CENPW: variants seen among roughly 807,000 people sequenced by gnomAD.
The protein encoded by CENPW is centromere protein W, also known as cancer-up-regulated gene 2 protein.
In CENPW, 3 loss-of-function variants were observed where a neutral mutation model predicts 11.1. That is an observed-to-expected ratio of 0.27 (90% CI 0.12 to 0.70). The LOEUF (loss-of-function observed/expected upper bound fraction) is 0.70, where lower values mean the gene tolerates loss of function less well. CENPW is among the 30% of genes least tolerant of loss of function. The pLI is 0.77. For synonymous variants in CENPW, 38 were observed against 42.0 expected, an observed-to-expected ratio of 0.91 and a Z score of 0.37; for missense variants, 100 against 105.6, an observed-to-expected ratio of 0.95 and a Z score of 0.23.
At chr6:126,471,729 T>C in the CENPW span, among the ~76,000 whole-genome samples, 3 of 152,192 alleles carry the variant, frequency 2.0e-5, no homozygotes, top group Non-Finnish European at 2.9e-5. Context: ...GTGATTTATT[T>C]ATATATTGTT....
the CENPW span, among the ~76,000 whole-genome samples, chr6:126,448,918 TATTCAAACTGAATATTC>T: frequency 5.3e-5 from 8 of 151,288 alleles, no homozygotes; most frequent in African/African-American, 1.7e-4. Context: ...TCAAACTAAA[TATTCAAACTGAATATTC>T]ATTCAAACTA....
At chr6:126,451,753 C>G in the CENPW span, among the ~76,000 whole-genome samples, 2 of 151,044 alleles carry the variant, frequency 1.3e-5, no homozygotes, top group Admixed American at 1.3e-4. Context: ...GGTTCAGTCA[C>G]ACAAGTGTGT....
chr6:126,400,609 A>C, the CENPW span, among the ~76,000 whole-genome samples: 1 of 152,044 alleles, frequency 6.6e-6, no homozygotes, highest in Admixed American at 6.6e-5. Context: ...ATCAGACATT[A>C]TCTCTTCAAA....
At chr6:126,465,205 A>C in the CENPW span, among the ~76,000 whole-genome samples, 4 of 152,134 alleles carry the variant, frequency 2.6e-5, no homozygotes, top group African/African-American at 9.7e-5. Context: ...CCTACAAACT[A>C]TCAAAATTAT....
At chr6:126,395,185 T>G in the CENPW span, among the ~76,000 whole-genome samples, 2 of 152,242 alleles carry the variant, frequency 1.3e-5, no homozygotes, top group East Asian at 3.9e-4. Flanking sequence ...TTGAGGCTAT[T>G]TTCTAGATTC....
the CENPW span, among the ~76,000 whole-genome samples, chr6:126,376,208 G>A: frequency 6.6e-6 from 1 of 152,116 alleles, no homozygotes; most frequent in African/African-American, 2.4e-5. Context: ...TAAAAATTTG[G>A]TGCAGTAAAG....
At chr6:126,408,747 G>T in the CENPW span, among the ~76,000 whole-genome samples, 2 of 151,850 alleles carry the variant, frequency 1.3e-5, no homozygotes, top group African/African-American at 2.4e-5. Flanking sequence ...ATTTCCTATA[G>T]ATTTTCCATT....
chr6:126,372,793 A>G, the CENPW span, among the ~76,000 whole-genome samples: 1 of 152,212 alleles, frequency 6.6e-6, no homozygotes, highest in Admixed American at 6.5e-5. Flanking sequence ...AAAAAACAGC[A>G]ATAAACTTGC....
downstream of CENPW, among the ~76,000 whole-genome samples, chr6:126,349,292 T>C (rs1367647489): frequency 1.3e-5 from 2 of 152,124 alleles, no homozygotes; most frequent in African/African-American, 4.8e-5. Context: ...TAGTATAATA[T>C]CAAAACCAGG....
the CENPW span, among the ~76,000 whole-genome samples, chr6:126,376,464 A>C: frequency 2.4e-4 from 36 of 152,230 alleles, no homozygotes; most frequent in Non-Finnish European, 4.1e-4. Flanking sequence ...TTGTATTACA[A>C]CATTAGTAAC....
At chr6:126,441,293 C>A in the CENPW span, among the ~76,000 whole-genome samples, 2 of 151,364 alleles carry the variant, frequency 1.3e-5, no homozygotes, top group Admixed American at 1.3e-4. Context: ...ACTAGAATAG[C>A]CTATAGAAAT....
chr6:126,384,904 T>C, the CENPW span, among the ~76,000 whole-genome samples: 1 of 152,096 alleles, frequency 6.6e-6, no homozygotes, highest in Admixed American at 6.6e-5. Context: ...TATAAGGAAC[T>C]TAAATTTACA....
the CENPW span, among the ~76,000 whole-genome samples, chr6:126,463,193 G>T: frequency 6.6e-6 from 1 of 151,906 alleles, no homozygotes. Flanking sequence ...TTCTATGTGG[G>T]AGTGCACACA....
chr6:126,456,314 C>G, the CENPW span, among the ~76,000 whole-genome samples: 1 of 151,512 alleles, frequency 6.6e-6, no homozygotes, highest in Admixed American at 6.6e-5. Context: ...TACTGCAAGG[C>G]TACAGTAACC....
the CENPW span, among the ~76,000 whole-genome samples, chr6:126,456,699 A>G: frequency 1.3e-5 from 2 of 151,758 alleles, no homozygotes; most frequent in Non-Finnish European, 2.9e-5. Context: ...AAAAATTGAC[A>G]AATAGGACCA....
At chr6:126,363,494 C>T in the CENPW span, among the ~76,000 whole-genome samples, 27 of 152,274 alleles carry the variant, frequency 1.8e-4, no homozygotes, top group African/African-American at 6.5e-4. Context: ...CTATATAGCA[C>T]CTCTTTAGGC....
chr6:126,408,966 T>G, the CENPW span, among the ~76,000 whole-genome samples: 1 of 152,022 alleles, frequency 6.6e-6, no homozygotes, highest in Non-Finnish European at 1.5e-5. Context: ...GTTCTTATTT[T>G]TAATATTTAT....
rs764306077 is a variant in CENPW, at chr6:126,340,365, C to T, written c.92C>T (p.Pro31Leu). The T allele has an allele frequency of 1.2e-6, 2 of 1,614,166 alleles. No homozygotes were observed. Among genetic ancestry groups the T allele is most frequent in the Non-Finnish European group, 8.5e-7 (1 of 1,180,014 alleles). The change falls in exon 1 of 3, where the codon CCT becomes CTT. Residue 31 changes from proline (P) to leucine (L), a missense_variant. Physicochemically the swap from Pro to Leu is moderately conservative, Grantham distance 98. Coordinates refer to ENST00000368328, the MANE Select transcript of CENPW (RefSeq NM_001012507.4). Reference sequence around the variant, plus strand: ...AAGCGAGTCTTCAAGCGAAAGAAGCCTCAACTTCGTCTGGAGAAAAGTGGT... The same window carrying T: ...AAGCGAGTCTTCAAGCGAAAGAAGCTTCAACTTCGTCTGGAGAAAAGTGGT... ...FLKRVFKRKK[P>L]QLRLEKSGDL...
the CENPW span, among the ~76,000 whole-genome samples, chr6:126,444,705 T>C: frequency 6.6e-6 from 1 of 151,326 alleles, no homozygotes; most frequent in African/African-American, 2.4e-5. Flanking sequence ...TATTTTTATC[T>C]GTTTTATGGG....
Sources: gnomAD v4.1 joint callset for allele counts (sites outside exome capture counted in the v4.1 genomes callset) on GRCh38, gnomAD v4.1.1 for gene constraint, MANE v1.5 for transcripts, NCBI Gene and HGNC (gene_info 2026-07-23, HGNC 2026-07-21) for gene names.